The following STXBP5L variants were observed in gnomAD, a reference collection of about 807,000 sequenced individuals.
STXBP5L encodes the protein syntaxin binding protein 5L.
Under a neutral mutation model 144.5 loss-of-function variants are expected in STXBP5L, and 65 were observed. The ratio of observed to expected loss-of-function variants is 0.45; its 90% CI spans 0.37 to 0.55. The LOEUF (loss-of-function observed/expected upper bound fraction) is 0.55. STXBP5L is among the 20% of genes least tolerant of loss of function. STXBP5L has a pLI of 0.00. For missense variants in STXBP5L, 1,298 were observed against 1,405.5 expected, an observed-to-expected ratio of 0.92 and a Z score of 1.22; for synonymous variants, 505 against 469.6, an observed-to-expected ratio of 1.08 and a Z score of -0.97.
At chr3:121,352,111 G>T (rs1205556024) in intron 20 of STXBP5L, among the ~76,000 whole-genome samples, 1 of 152,086 alleles carries the variant, frequency 6.6e-6, no homozygotes, top group Non-Finnish European at 1.5e-5. Context: ...TTGAAGTCAG[G>T]TAGCATGATG....
At chr3:121,165,722 C>A (rs778698460) in intron 9 of STXBP5L, among the ~76,000 whole-genome samples, 1 of 151,956 alleles carries the variant, frequency 6.6e-6, no homozygotes, top group Non-Finnish European at 1.5e-5. Flanking sequence ...CAGATTGGAC[C>A]CCAGGTTACC....
At chr3:121,061,319 G>T (rs1284836270) in intron 5 of STXBP5L, among the ~76,000 whole-genome samples, 1 of 152,202 alleles carries the variant, frequency 6.6e-6, no homozygotes, top group South Asian at 2.1e-4. Flanking sequence ...TAATTTGATT[G>T]CACTGTGGTC....
intron 2 of STXBP5L, among the ~76,000 whole-genome samples, chr3:120,924,101 C>T (rs1457312684): frequency 6.6e-6 from 1 of 152,134 alleles, no homozygotes; most frequent in Non-Finnish European, 1.5e-5. Context: ...TTACTATTCT[C>T]ATGGACAAGC....
intron 5 of STXBP5L, among the ~76,000 whole-genome samples, chr3:121,101,464 A>G (rs2043421364): frequency 6.6e-6 from 1 of 150,650 alleles, no homozygotes; most frequent in South Asian, 2.1e-4. Context: ...ATCACAACAT[A>G]AAAAGATTTA....
intron 3 of STXBP5L, among the ~76,000 whole-genome samples, chr3:120,963,489 TGA>T (rs1939133215): frequency 6.6e-6 from 1 of 152,194 alleles, no homozygotes; most frequent in African/African-American, 2.4e-5. Context: ...GAAAGGGTGT[TGA>T]GTTTTGTCAA....
Position 121,075,247 on chromosome 3 carries a change from T to C in STXBP5L, c.470+29712T>C, listed in dbSNP as rs148069568. Among the ~76,000 whole-genome samples the C allele has an allele frequency of 4.5e-3, 691 of 152,256 alleles. 4 individuals carry two copies. Among genetic ancestry groups the C allele is most frequent in the African/African-American group, 0.016 (658 of 41,568 alleles). On this transcript the variant is annotated intron_variant, in intron 5 of 26. Coordinates refer to ENST00000471454, the MANE Select transcript of STXBP5L (RefSeq NM_001308330.2). Reference sequence around the variant, plus strand: ...GGACATTCATTCCTCCAGTGTCCCATCTGCTTGCATTTCACACATTGATCT... The same window carrying C: ...GGACATTCATTCCTCCAGTGTCCCACCTGCTTGCATTTCACACATTGATCT...
At chr3:121,303,270 T>G (rs1371659908) in intron 19 of STXBP5L, among the ~76,000 whole-genome samples, 2 of 151,894 alleles carry the variant, frequency 1.3e-5, no homozygotes, top group Admixed American at 6.5e-5. Flanking sequence ...AAAAGACACA[T>G]GAAAAAATGC....
intron 5 of STXBP5L, among the ~76,000 whole-genome samples, chr3:121,064,072 C>G (rs9815281): frequency 0.099 from 15,102 of 152,146 alleles, 1,172 homozygotes; most frequent in Admixed American, 0.2. Flanking sequence ...GGTGTCTGCT[C>G]AAATGGCTGC....
chr3:120,916,901 C>G (rs1404444985), intron 2 of STXBP5L, among the ~76,000 whole-genome samples: 1 of 152,220 alleles, frequency 6.6e-6, no homozygotes, highest in African/African-American at 2.4e-5. Context: ...TGACTAAAAA[C>G]TTGTCTATAA....
At chr3:121,311,386 A>G (rs1389579310) in intron 19 of STXBP5L, among the ~76,000 whole-genome samples, 1 of 152,246 alleles carries the variant, frequency 6.6e-6, no homozygotes, top group Non-Finnish European at 1.5e-5. Context: ...GGCTTTATTT[A>G]GTATAGTAAA....
chr3:121,257,788 G>A (rs1559912396), intron 17 of STXBP5L, among the ~76,000 whole-genome samples: 1 of 152,166 alleles, frequency 6.6e-6, no homozygotes, highest in African/African-American at 2.4e-5. Context: ...AACTGGGTGT[G>A]ATGGTACACA....
intron 3 of STXBP5L, among the ~76,000 whole-genome samples, chr3:120,961,322 C>G (rs951113728): frequency 6.6e-6 from 1 of 150,422 alleles, no homozygotes; most frequent in Admixed American, 6.6e-5. Context: ...ACGTGCACAA[C>G]GTGCAGGTTT....
chr3:121,407,779 T>C (rs1295396885), intron 23 of STXBP5L, 176 bp downstream of exon 23: 2 of 956,428 alleles, frequency 2.1e-6, no homozygotes, highest in Non-Finnish European at 3.0e-6. Flanking sequence ...GGGTTTTGTG[T>C]TTTGTTTTGG....
At chr3:120,935,732 TATAATTCTTACCCTA>T (rs1710231959) in intron 2 of STXBP5L, among the ~76,000 whole-genome samples, 1 of 152,116 alleles carries the variant, frequency 6.6e-6, no homozygotes. Context: ...AGAAATCTGA[TATAATTCTTACCCTA>T]AGTCCTCAAT....
chr3:120,964,742 A>G (rs2107760018), intron 3 of STXBP5L, among the ~76,000 whole-genome samples: 1 of 152,272 alleles, frequency 6.6e-6, no homozygotes, highest in South Asian at 2.1e-4. Context: ...AAGAATGTAT[A>G]TTCTGTTGAT....
intron 5 of STXBP5L, among the ~76,000 whole-genome samples, chr3:121,077,020 C>A (rs991547929): frequency 6.6e-6 from 1 of 152,166 alleles, no homozygotes; most frequent in Non-Finnish European, 1.5e-5. Flanking sequence ...AGCACACAGT[C>A]CATGATAAGA....
rs550750494 is a variant in STXBP5L at position 121,388,239 on chromosome 3, G to A, written c.2587+6707G>A. 3.9e-5 allele frequency among the ~76,000 whole-genome samples: 6 copies of A among 152,242 alleles called. No individual in the cohort carries two copies. The South Asian group carries it at 8.3e-4, about 21-fold the overall frequency. On this transcript the variant is annotated intron_variant, in intron 22 of 26. Coordinates refer to ENST00000471454, the MANE Select transcript of STXBP5L (RefSeq NM_001308330.2). Reference sequence around the variant, plus strand: ...ATAGGAATGTCTGTGATTTTTGCACGTTGATTTTGTGTCCTGAGACTTTGC... The same window carrying A: ...ATAGGAATGTCTGTGATTTTTGCACATTGATTTTGTGTCCTGAGACTTTGC...
At chr3:121,207,686 AT>A (rs2048392037) in intron 10 of STXBP5L, among the ~76,000 whole-genome samples, 1 of 152,248 alleles carries the variant, frequency 6.6e-6, no homozygotes, top group Non-Finnish European at 1.5e-5. Context: ...ATGAACAGAC[AT>A]TTCTCAAAAG....
At chr3:121,231,959 A>T (rs1028288079) in intron 11 of STXBP5L, among the ~76,000 whole-genome samples, 40 of 152,166 alleles carry the variant, frequency 2.6e-4, no homozygotes, top group Admixed American at 3.3e-4. Flanking sequence ...ACAAGGCTCA[A>T]ACTTGTCCCT....
Sources: allele counts gnomAD v4.1 joint callset (sites outside exome capture counted in the v4.1 genomes callset), GRCh38; gene constraint gnomAD v4.1.1; transcripts MANE v1.5; gene names NCBI Gene and HGNC (gene_info 2026-07-23, HGNC 2026-07-21).